Variants in CRIP2 observed in about 807,000 individuals in gnomAD.
The protein encoded by CRIP2 is cysteine-rich protein 2.
Under a neutral mutation model 31.3 loss-of-function variants are expected in CRIP2, and 31 were observed. That is an observed-to-expected ratio of 0.99 (90% CI 0.74 to 1.34). CRIP2 has a LOEUF of 1.34. CRIP2 is among the 40% of genes most tolerant of loss of function. The pLI is 0.00. For synonymous variants in CRIP2, 177 were observed against 127.2 expected, an observed-to-expected ratio of 1.39 and a Z score of -2.63; for missense variants, 389 against 301.6, an observed-to-expected ratio of 1.29 and a Z score of -2.15.
Position 105,478,821 on chromosome 14 carries a change from C to A in CRIP2, c.287C>A (p.Ala96Asp). ...ACCGGCCCCATCGAGGTCCCCGCGG[C>A]CCGAGCAGAGGAGCGGAAGGCGAGC... Reference protein sequence around the residue: ...QVTGPIEVPAARAEERKASGP... With the variant: ...QVTGPIEVPADRAEERKASGP... Residue 96 changes from alanine to aspartate, a missense_variant, in exon 4 of 8, where the codon GCC becomes GAC. Ala to Asp is a moderately radical substitution (Grantham distance 126). Transcript: ENST00000329146. The surrounding 1 kb of genome is among the most constrained non-coding windows in gnomAD (Gnocchi z 4.9). The A allele has an allele frequency of 7.0e-7, 1 of 1,431,086 alleles. No homozygotes were observed. The highest frequency in any genetic ancestry group is 9.1e-7 in the Non-Finnish European group (1 of 1,101,700). The allele number at this position is 1,431,086 out of a possible 1,614,324, so 88.6% of individuals were successfully genotyped here. A position where few individuals can be genotyped will look rare whatever the true frequency, so the allele number is the denominator to read the frequency against.
At position 105,479,439 on chromosome 14, in the gene CRIP2, G is replaced by C. The variant is rs374234792; in HGVS notation, c.505G>C (p.Asp169His). The C allele has an allele frequency of 1.3e-5, 21 of 1,612,608 alleles. No individual in the cohort carries two copies. In the South Asian group the frequency reaches 2.2e-4, roughly 17 times the overall value. Residue 169 changes from aspartate (D) to histidine (H), a missense_variant, in exon 7 of 8, where the codon GAC (aspartate) becomes CAC (histidine). Physicochemically the swap from Asp to His is moderately conservative, Grantham distance 81. Coordinates refer to ENST00000329146, the MANE Select transcript of CRIP2 (RefSeq NM_001312.4). ...TLTPGGHAEH[D>H]GQPYCHKPCY... The stretch of plus-strand genomic sequence containing the variant: ...CAGCACCCACCTTCTGCCCCAGCAC[G>C]ACGGCCAGCCCTACTGCCACAAGCC...
Position 105,479,706 on chromosome 14 carries a change from G to T in CRIP2, c.*53G>T. 1.3e-6 allele frequency: 2 copies of T among 1,567,774 alleles called. No homozygotes were observed. Among genetic ancestry groups the T allele is most frequent in the Non-Finnish European group, 1.7e-6 (2 of 1,156,032 alleles). ...CACCTGCGCCCCAGACCCTGCAGGGGCCCCCCTGCTTGGCTCTGCTGGGAG... is the reference window on the plus strand; with the variant it reads ...CACCTGCGCCCCAGACCCTGCAGGGTCCCCCCTGCTTGGCTCTGCTGGGAG... On this transcript the variant is annotated 3_prime_UTR_variant, in exon 8 of 8. Coordinates refer to ENST00000329146, the MANE Select transcript of CRIP2 (RefSeq NM_001312.4).
At chr14:105,475,702 C>G (rs1411649659) in intron 1 of CRIP2, among the ~76,000 whole-genome samples, 5 of 152,192 alleles carry the variant, frequency 3.3e-5, no homozygotes, top group Admixed American at 2.6e-4. Context: ...GCCCCTCCGG[C>G]AGGCGCGCTC....
intron 1 of CRIP2, chr14:105,475,949 A>G: frequency 1.0e-6 from 1 of 985,568 alleles, no homozygotes; most frequent in Non-Finnish European, 1.2e-6. Flanking sequence ...GAAGGCCGCC[A>G]CTGGGCTTCC....
rs782785183 is a variant in CRIP2 at position 105,478,251 on chromosome 14, G to C, written c.44-15G>C. 6.6e-7 allele frequency: 1 copy of C among 1,523,912 alleles called. No homozygotes were observed. The highest frequency in any genetic ancestry group is 1.4e-5 in the African/African-American group (1 of 70,618). 94.4% of individuals were successfully genotyped at this position (1,523,912 alleles called of 1,614,324 possible). A position where few individuals can be genotyped will look rare whatever the true frequency, so the allele number is the denominator to read the frequency against. On this transcript the variant is annotated splice_polypyrimidine_tract_variant and intron_variant, in intron 1 of 7. Coordinates refer to ENST00000329146, the MANE Select transcript of CRIP2 (RefSeq NM_001312.4). The surrounding 1 kb of genome is among the most constrained non-coding windows in gnomAD (Gnocchi z 4.9). ...GCGCCCCGGCCCTGACCCCCCTGCC[G>C]CCCCTCCCGCTCAGCCGAGAAGGTG...
chr14:105,473,815 G>A (rs968628556), upstream of CRIP2, among the ~76,000 whole-genome samples: 3 of 152,110 alleles, frequency 2.0e-5, no homozygotes, highest in Admixed American at 6.5e-5. Flanking sequence ...GTGGGGGTGC[G>A]GTGACTGGCA....
upstream of CRIP2, chr14:105,474,711 CG>C: frequency 1.0e-6 from 1 of 978,728 alleles, no homozygotes; most frequent in Non-Finnish European, 1.2e-6. This position sits in a 1 kb window ranked among gnomAD's most constrained non-coding sequence, Gnocchi z 5.1. Context: ...CGCCCCCAGG[CG>C]GCCCCCAGCC....
upstream of CRIP2, chr14:105,473,532 C>T (rs781800074): frequency 3.9e-6 from 6 of 1,529,972 alleles, no homozygotes; most frequent in Non-Finnish European, 5.2e-6. Context: ...CGTGTCCAGC[C>T]CACAGCCTCC....
chr14:105,476,322 C>T, intron 1 of CRIP2: 1 of 985,546 alleles, frequency 1.0e-6, no homozygotes, highest in Non-Finnish European at 1.2e-6. Flanking sequence ...CGCTTCAGAC[C>T]CGGCTGGCTT....
Position 105,480,147 on chromosome 14 carries a change from C to T in CRIP2, c.*494C>T, listed in dbSNP as rs1025038482. 5 of 171,732 alleles carry T rather than the reference C, an allele frequency of 2.9e-5. No individual in the cohort carries two copies. The highest frequency in any genetic ancestry group is 5.8e-5 in the Admixed American group (1 of 17,226). The allele number at this position is 171,732 out of a possible 1,614,324, so 10.6% of individuals were successfully genotyped here. A position where few individuals can be genotyped will look rare whatever the true frequency, so the allele number is the denominator to read the frequency against. Reference sequence around the variant, plus strand: ...TGTTGAGCCTTGTGCTGTCAATAAACGGTTTGAGGATTGCAGGATTGTCTC... The same window carrying T: ...TGTTGAGCCTTGTGCTGTCAATAAATGGTTTGAGGATTGCAGGATTGTCTC... On this transcript the variant is annotated 3_prime_UTR_variant, in exon 8 of 8. Coordinates refer to ENST00000329146, the MANE Select transcript of CRIP2 (RefSeq NM_001312.4).
In CRIP2 at chr14:105,478,268, GAGA is replaced by G; in HGVS notation, c.49_51del (p.Lys17del). ...CCCCTGCCGCCCCTCCCGCTCAGCC[GAGA>G]AGGTGAGCTCCCTGGGGAAGGACTG... On this transcript the variant is annotated inframe_deletion, in exon 2 of 8. Coordinates refer to ENST00000329146, the MANE Select transcript of CRIP2 (RefSeq NM_001312.4). This position sits in a 1 kb window ranked among gnomAD's most constrained non-coding sequence, Gnocchi z 4.9. 1.3e-6 allele frequency: 2 copies of G among 1,552,142 alleles called. No homozygotes were observed. Among genetic ancestry groups the G allele is most frequent in the Non-Finnish European group, 1.7e-6 (2 of 1,151,586 alleles).
At chr14:105,475,033 C>T in intron 1 of CRIP2, 128 bp downstream of exon 1, 1 of 1,119,370 alleles carries the variant, frequency 8.9e-7, no homozygotes, top group Non-Finnish European at 1.1e-6. Context: ...GATGCGCGTC[C>T]CGGAGGCTGG....
upstream of CRIP2, chr14:105,473,122 A>T: frequency 1.7e-6 from 2 of 1,163,986 alleles, no homozygotes; most frequent in Non-Finnish European, 2.4e-6. Context: ...AGAACAGGGC[A>T]GGGAGCTGGA....
At chr14:105,476,563 G>A (rs1555435841) in intron 1 of CRIP2, 10 of 985,364 alleles carry the variant, frequency 1.0e-5, no homozygotes, top group Non-Finnish European at 1.2e-5. Flanking sequence ...TGTGGCCATT[G>A]ACCCACCCAG....
At position 105,479,861 on chromosome 14, in the gene CRIP2, C is replaced by T. The variant is rs899616185; in HGVS notation, c.*208C>T. 1.5e-5 allele frequency: 9 copies of T among 605,512 alleles called. No individual in the cohort carries two copies. Among genetic ancestry groups the T allele is most frequent in the Non-Finnish European group, 2.4e-5 (8 of 340,256 alleles). The allele number at this position is 605,512 out of a possible 1,614,324, so 37.5% of individuals were successfully genotyped here. A position where few individuals can be genotyped will look rare whatever the true frequency, so the allele number is the denominator to read the frequency against. On this transcript the variant is annotated 3_prime_UTR_variant, in exon 8 of 8. Transcript: ENST00000329146. Reference sequence around the variant, plus strand: ...CCCCCTCTGGCATCCTCTGGGCGTCCCATGATCCCTTCTGTGTCTGCGTGT... The same window carrying T: ...CCCCCTCTGGCATCCTCTGGGCGTCTCATGATCCCTTCTGTGTCTGCGTGT...
At chr14:105,477,964 C>G (rs1301956302) in intron 1 of CRIP2, among the ~76,000 whole-genome samples, 2 of 145,128 alleles carry the variant, frequency 1.4e-5, no homozygotes, top group African/African-American at 2.7e-5. Flanking sequence ...GAGCACAGGC[C>G]CCTTCACCGC....
At chr14:105,479,092 C>T (rs782195324) in intron 5 of CRIP2, 33 bp from the exon 6 acceptor site, 2 of 1,602,566 alleles carry the variant, frequency 1.2e-6, no homozygotes. Flanking sequence ...CGCCCCCGCC[C>T]CGGGGCTCGG....
At chr14:105,477,604 G>A (rs993190261) in intron 1 of CRIP2, 5 of 949,896 alleles carry the variant, frequency 5.3e-6, no homozygotes, top group Non-Finnish European at 6.1e-6. Flanking sequence ...AGAGGCAGGT[G>A]TGTGAGTGTA....
chr14:105,478,248 G>A lies in CRIP2; in HGVS notation c.44-18G>A, dbSNP rs1472139167. On this transcript the variant is annotated intron_variant, in intron 1 of 7. Transcript: ENST00000329146. The surrounding 1 kb of genome is among the most constrained non-coding windows in gnomAD (Gnocchi z 4.9). ...GGCGCGCCCCGGCCCTGACCCCCCTGCCGCCCCTCCCGCTCAGCCGAGAAG... is the reference window on the plus strand; with the variant it reads ...GGCGCGCCCCGGCCCTGACCCCCCTACCGCCCCTCCCGCTCAGCCGAGAAG... 4.6e-5 allele frequency: 70 copies of A among 1,525,344 alleles called. No individual in the cohort carries two copies. Among genetic ancestry groups the A allele is most frequent in the Non-Finnish European group, 5.8e-5 (66 of 1,139,084 alleles). 94.5% of individuals were successfully genotyped at this position (1,525,344 alleles called of 1,614,324 possible).
Sources: gnomAD v4.1 joint callset for allele counts (sites outside exome capture counted in the v4.1 genomes callset) on GRCh38, gnomAD v4.1.1 for gene constraint, Gnocchi (gnomAD v3.1) non-coding constraint, MANE v1.5 for transcripts, NCBI Gene and HGNC (gene_info 2026-07-23, HGNC 2026-07-21) for gene names.